SEC23A: variants seen among roughly 807,000 people sequenced by gnomAD.
SEC23A encodes the protein SEC23 homolog A, COPII component.
SEC23A carries 56 observed loss-of-function variants against 103.7 expected under a neutral mutation model. The ratio of observed to expected loss-of-function variants is 0.54; its 90% CI spans 0.44 to 0.67. The LOEUF (loss-of-function observed/expected upper bound fraction) is 0.67, where lower values mean the gene tolerates loss of function less well. SEC23A is among the 30% of genes least tolerant of loss of function. The pLI, the probability that SEC23A is intolerant of heterozygous loss-of-function variation, is 0.00. For missense variants in SEC23A, 784 were observed against 936.4 expected (o/e 0.84, Z 2.12); for synonymous variants, 281 against 293.0 (o/e 0.96, Z 0.42).
At chr14:39,047,495 C>T (rs1269432602) in intron 15 of SEC23A, 2 of 755,906 alleles carry the variant, frequency 2.6e-6, no homozygotes, top group Non-Finnish European at 3.6e-6. Flanking sequence ...ATCCTCAAAA[C>T]AAAAACAACA....
intron 10 of SEC23A, among the ~76,000 whole-genome samples, chr14:39,066,600 C>T (rs183929997): frequency 2.0e-5 from 3 of 152,116 alleles, no homozygotes. Context: ...CGTGGTGGCT[C>T]ATGTCTGTAA....
At chr14:39,042,243 C>T (rs1885672531) in intron 17 of SEC23A, among the ~76,000 whole-genome samples, 2 of 152,346 alleles carry the variant, frequency 1.3e-5, no homozygotes, top group East Asian at 1.9e-4. Flanking sequence ...TAACAATTGG[C>T]TGAATGAGTA....
intron 2 of SEC23A, among the ~76,000 whole-genome samples, chr14:39,095,602 T>C (rs1321089448): frequency 1.3e-5 from 2 of 152,172 alleles, no homozygotes; most frequent in Admixed American, 6.5e-5. Context: ...CGGCCAATTA[T>C]GACTTATCTA....
intron 13 of SEC23A, among the ~76,000 whole-genome samples, chr14:39,059,300 A>AAAAAAAC (rs1555327694): frequency 0.026 from 2,609 of 100,876 alleles, 113 homozygotes; most frequent in South Asian, 0.082. Flanking sequence ...AAAAAAAAAA[A>AAAAAAAC]AAAAAAAAAA....
At chr14:39,058,156 G>T (rs1441954064) in intron 13 of SEC23A, among the ~76,000 whole-genome samples, 1 of 152,156 alleles carries the variant, frequency 6.6e-6, no homozygotes, top group Non-Finnish European at 1.5e-5. Flanking sequence ...TTCAGATATA[G>T]TGACTGGCCA....
chr14:39,042,916 A>G (rs1309609233), intron 16 of SEC23A, 44 bp from the exon 17 acceptor site: 14 of 1,166,484 alleles, frequency 1.2e-5, no homozygotes, highest in Non-Finnish European at 1.8e-5. Context: ...AAGGAAAAAT[A>G]ATCTACTCAA....
chr14:39,081,180 C>G (rs1887213108), intron 7 of SEC23A, among the ~76,000 whole-genome samples: 1 of 151,268 alleles, frequency 6.6e-6, no homozygotes. Context: ...GTACTGCACT[C>G]CAGCCTGAGC....
At chr14:39,077,890 AC>A (rs1377741252) in intron 7 of SEC23A, among the ~76,000 whole-genome samples, 1 of 152,164 alleles carries the variant, frequency 6.6e-6, no homozygotes, top group African/African-American at 2.4e-5. Context: ...CCAAGATCAC[AC>A]CACTGTACTC....
rs1594471298 is a variant in SEC23A at position 39,079,589 on chromosome 14, G to T, written c.829-3496C>A. 2.0e-5 allele frequency among the ~76,000 whole-genome samples: 3 copies of T among 152,262 alleles called. No homozygotes were observed. In the South Asian group the frequency reaches 6.2e-4, roughly 32 times the overall value. ...AATCCCAGCACTTTGGGAGGATGAG[G>T]TGGGCGGATCACCTGAGGTCAGGAG... is the stretch of plus-strand genomic sequence containing the variant. On this transcript the variant is annotated intron_variant, in intron 7 of 19. Transcript: ENST00000307712.
intron 2 of SEC23A, among the ~76,000 whole-genome samples, 194 bp downstream of exon 2, chr14:39,095,704 G>C (rs1343578622): frequency 2.6e-5 from 4 of 151,954 alleles, no homozygotes; most frequent in African/African-American, 9.7e-5. Context: ...TTTTACATTT[G>C]GTCTCTTTAT....
At chr14:39,071,661 A>C (rs1478759903) in intron 9 of SEC23A, among the ~76,000 whole-genome samples, 1 of 152,130 alleles carries the variant, frequency 6.6e-6, no homozygotes, top group African/African-American at 2.4e-5. Flanking sequence ...ACAGGAGTTC[A>C]AGACCAGCCT....
At chr14:39,096,406 T>C (rs1887894300) in intron 1 of SEC23A, among the ~76,000 whole-genome samples, 1 of 152,004 alleles carries the variant, frequency 6.6e-6, no homozygotes, top group Non-Finnish European at 1.5e-5. Flanking sequence ...GGCGTATGCC[T>C]GTAATCCCAG....
chr14:39,087,969 A>G (rs985597061), intron 5 of SEC23A: 3 of 152,264 alleles, frequency 2.0e-5, no homozygotes, highest in African/African-American at 7.2e-5. Flanking sequence ...AGTAAGTAAC[A>G]AAGCAAGATT....
intron 19 of SEC23A, among the ~76,000 whole-genome samples, chr14:39,036,371 T>C (rs113280311): frequency 3.9e-4 from 57 of 147,118 alleles, no homozygotes; most frequent in Non-Finnish European, 4.5e-4. Context: ...ATGCTCTAGA[T>C]ATTTTTAGTA....
chr14:39,102,048 A>G (rs550548926), intron 1 of SEC23A, among the ~76,000 whole-genome samples: 12 of 152,182 alleles, frequency 7.9e-5, no homozygotes, highest in Admixed American at 1.3e-4. Flanking sequence ...CCTGGCCAAC[A>G]TGGTGAAACC....
intron 14 of SEC23A, among the ~76,000 whole-genome samples, chr14:39,049,575 G>C (rs970998976): frequency 6.6e-6 from 1 of 151,730 alleles, no homozygotes; most frequent in Non-Finnish European, 1.5e-5. Flanking sequence ...CCAGGAGTTT[G>C]AGACCAGCTT....
At chr14:39,034,200 T>C (rs1885391379) in intron 19 of SEC23A, among the ~76,000 whole-genome samples, 1 of 152,222 alleles carries the variant, frequency 6.6e-6, no homozygotes, top group South Asian at 2.1e-4. Context: ...GCATAGAGTC[T>C]GGATCCAGAA....
intron 15 of SEC23A, among the ~76,000 whole-genome samples, chr14:39,048,451 C>CA (rs56258100): frequency 6.7e-4 from 94 of 141,352 alleles, no homozygotes; most frequent in Admixed American, 1.1e-3. Flanking sequence ...CCATCCCTAC[C>CA]AAAAAAAAAA....
chr14:39,086,870 G>T, intron 6 of SEC23A, 59 bp downstream of exon 6: 2 of 958,250 alleles, frequency 2.1e-6, no homozygotes, highest in Non-Finnish European at 3.4e-6. Context: ...ATGTTCAAGG[G>T]TATGGAATGT....
Sources: allele counts gnomAD v4.1 joint callset (sites outside exome capture counted in the v4.1 genomes callset), GRCh38; gene constraint gnomAD v4.1.1; transcripts MANE v1.5; gene names NCBI Gene and HGNC (gene_info 2026-07-23, HGNC 2026-07-21).